DGKH: variants seen among roughly 807,000 people sequenced by gnomAD.
DGKH encodes DAG kinase eta.
Under a neutral mutation model 159.3 loss-of-function variants are expected in DGKH, and 90 were observed. That is an observed-to-expected ratio of 0.57 (90% CI 0.48 to 0.67). DGKH has a LOEUF of 0.67. Ranked by LOEUF, DGKH falls within the 30% of genes least tolerant of loss-of-function variation. DGKH has a pLI of 0.00. For missense variants in DGKH, 1,181 were observed against 1,506.1 expected, an observed-to-expected ratio of 0.78 and a Z score of 3.57; for synonymous variants, 536 against 553.8, an observed-to-expected ratio of 0.97 and a Z score of 0.45.
chr13:42,205,045 C>A (rs1422078642), intron 20 of DGKH, among the ~76,000 whole-genome samples: 1 of 151,956 alleles, frequency 6.6e-6, no homozygotes, highest in Non-Finnish European at 1.5e-5. Flanking sequence ...TTTTAAGAAG[C>A]TATGTTAATT....
intron 1 of DGKH, among the ~76,000 whole-genome samples, chr13:42,125,824 C>T (rs1955158663): frequency 1.3e-5 from 2 of 152,154 alleles, no homozygotes; most frequent in African/African-American, 4.8e-5. Flanking sequence ...AATATGATCT[C>T]AGCACCTGCC....
intron 1 of DGKH, among the ~76,000 whole-genome samples, chr13:42,091,553 A>C (rs111312820): frequency 6.6e-6 from 1 of 152,206 alleles, no homozygotes; most frequent in South Asian, 2.1e-4. Context: ...GTAAGGCACA[A>C]GCAACAAAAG....
chr13:42,192,322 G>C (rs1360098685), intron 16 of DGKH, among the ~76,000 whole-genome samples: 3 of 152,092 alleles, frequency 2.0e-5, no homozygotes, highest in Non-Finnish European at 4.4e-5. Flanking sequence ...CTTATGGTCA[G>C]CTCTAATTGT....
At chr13:42,056,455 G>A (rs1881766528) in intron 1 of DGKH, among the ~76,000 whole-genome samples, 1 of 152,108 alleles carries the variant, frequency 6.6e-6, no homozygotes, top group South Asian at 2.1e-4. Context: ...CAAGCTTGGT[G>A]CATTTAATTC....
At chr13:42,218,549 C>T in intron 26 of DGKH, among the ~76,000 whole-genome samples, 1 of 149,306 alleles carries the variant, frequency 6.7e-6, no homozygotes, top group East Asian at 2.0e-4. Context: ...GGCTCTGGCA[C>T]CCAGGCTGGA....
Position 42,209,348 on chromosome 13 carries a change from C to A in DGKH, c.2733C>A (p.Ile911=), listed in dbSNP as rs1183777981. 6.2e-7 allele frequency: 1 copy of A among 1,612,618 alleles called. No individual in the cohort carries two copies. ...TATTTCAGTGCCGTACAGTGAAAAT[C>A]ACTATATTTGGTGACGAAGGAGTCC... is the stretch of plus-strand genomic sequence containing the variant. ...HRIAQCRTVK[I]TIFGDEGVPV... is the part of the protein sequence containing the mutation. The change falls in exon 23 of 30, where the codon ATC becomes ATA. Residue 911 remains isoleucine, a synonymous_variant. Transcript: ENST00000337343.
chr13:42,125,150 G>C (rs1462122826), intron 1 of DGKH, among the ~76,000 whole-genome samples: 1 of 152,130 alleles, frequency 6.6e-6, no homozygotes, highest in Non-Finnish European at 1.5e-5. Context: ...CACACTCCCT[G>C]TTGTGTCCAG....
At chr13:42,186,010 GGTGTGTGTGTGTGTGT>G (rs3039205) in intron 13 of DGKH, among the ~76,000 whole-genome samples, 2 of 132,290 alleles carry the variant, frequency 1.5e-5, no homozygotes, top group Non-Finnish European at 3.4e-5. Flanking sequence ...TGGTGGTGGT[GGTGTGTGTGTGTGTGT>G]GTGTGTGTGT....
intron 29 of DGKH, 68 bp from the exon 30 acceptor site, chr13:42,229,031 A>G (rs1958220746): frequency 7.3e-7 from 1 of 1,378,114 alleles, no homozygotes; most frequent in Non-Finnish European, 9.9e-7. Context: ...TTCATTTTTA[A>G]AATTTTCTTT....
intron 1 of DGKH, among the ~76,000 whole-genome samples, chr13:42,071,422 GAT>G (rs768026833): frequency 2.0e-5 from 3 of 152,194 alleles, no homozygotes; most frequent in Non-Finnish European, 2.9e-5. Context: ...TATGCACTCA[GAT>G]TACTCTGCTA....
At chr13:42,218,644 G>A (rs1957875292) in intron 26 of DGKH, among the ~76,000 whole-genome samples, 2 of 151,974 alleles carry the variant, frequency 1.3e-5, no homozygotes, top group South Asian at 4.2e-4. Context: ...AAGGAGCTGG[G>A]ATTACAGGCG....
chr13:42,150,748 T>G (rs546443499), intron 3 of DGKH, among the ~76,000 whole-genome samples: 2 of 152,278 alleles, frequency 1.3e-5, no homozygotes, highest in Admixed American at 6.5e-5. Flanking sequence ...TATCAAAATT[T>G]GTAATTATTT....
At chr13:42,059,243 A>G (rs1356815019) in intron 1 of DGKH, among the ~76,000 whole-genome samples, 1 of 151,454 alleles carries the variant, frequency 6.6e-6, no homozygotes, top group Non-Finnish European at 1.5e-5. Flanking sequence ...ATGATTTTTC[A>G]AGTGTCTTTT....
At chr13:42,174,169 AT>A (rs779453050) in intron 12 of DGKH, 25 bp downstream of exon 12, 2 of 1,540,610 alleles carry the variant, frequency 1.3e-6, no homozygotes, top group Non-Finnish European at 1.8e-6. Flanking sequence ...TTTACCTATC[AT>A]TTGAAATGGG....
chr13:42,207,646 T>C (rs985092119), intron 21 of DGKH, among the ~76,000 whole-genome samples: 6 of 149,000 alleles, frequency 4.0e-5, no homozygotes, highest in Non-Finnish European at 7.4e-5. Flanking sequence ...ACCTTACAAA[T>C]GTAATTGTTG....
At position 42,247,924 on chromosome 13, in the gene DGKH, A is replaced by G. The variant is rs1481580033; in HGVS notation, n.4055-4485A>G. ...TAGTACAAAAGAGTCAAAAAGTTAA[A>G]AGAAGTTTACAAAGTAAAAATGTTT... On this transcript the variant is annotated intron_variant and non_coding_transcript_variant, in intron 29 of 30. Coordinates refer to the DGKH transcript ENST00000498255. 4.6e-5 allele frequency among the ~76,000 whole-genome samples: 7 copies of G among 152,308 alleles called. No homozygotes were observed. In the East Asian group the frequency reaches 1.3e-3, roughly 29 times the overall value.
downstream of DGKH, among the ~76,000 whole-genome samples, chr13:42,244,637 G>T (rs1269162993): frequency 2.0e-5 from 3 of 152,118 alleles, no homozygotes; most frequent in African/African-American, 7.2e-5. Context: ...GGGCGCGGTG[G>T]CTCACGCCTG....
intron 13 of DGKH, among the ~76,000 whole-genome samples, chr13:42,183,394 T>G (rs1226258071): frequency 2.0e-5 from 3 of 151,970 alleles, no homozygotes; most frequent in Non-Finnish European, 4.4e-5. Flanking sequence ...AGAGCACAAC[T>G]CAATGATTAA....
chr13:42,091,638 A>G (rs1954420797), intron 1 of DGKH, among the ~76,000 whole-genome samples: 1 of 152,234 alleles, frequency 6.6e-6, no homozygotes, highest in Non-Finnish European at 1.5e-5. Context: ...TGAAGAGACA[A>G]CCTACAGAAT....
Sources: allele counts gnomAD v4.1 joint callset (sites outside exome capture counted in the v4.1 genomes callset), GRCh38; gene constraint gnomAD v4.1.1; transcripts MANE v1.5; gene names NCBI Gene and HGNC (gene_info 2026-07-23, HGNC 2026-07-21).